The following EYS variants were observed in gnomAD, a reference collection of about 807,000 sequenced individuals.
EYS encodes the protein EGF-like photoreceptor maintenance factor, also known as protein eyes shut homolog.
In EYS, 250 loss-of-function variants were observed where a neutral mutation model predicts 282.1. The ratio of observed to expected loss-of-function variants is 0.89; its 90% CI spans 0.80 to 0.98. The LOEUF is 0.98. EYS is among the 50% of genes least tolerant of loss of function. EYS has a pLI of 0.00. For missense variants in EYS, 4,016 were observed against 3,709.0 expected, an observed-to-expected ratio of 1.08 and a Z score of -2.15; for synonymous variants, 1,355 against 1,282.9, an observed-to-expected ratio of 1.06 and a Z score of -1.20.
At chr6:64,072,158 A>G (rs1582228843) in intron 32 of EYS, among the ~76,000 whole-genome samples, 1 of 152,012 alleles carries the variant, frequency 6.6e-6, no homozygotes, top group East Asian at 1.9e-4. Flanking sequence ...AGATAAAACA[A>G]CAGCATTAAA....
intron 26 of EYS, among the ~76,000 whole-genome samples, chr6:64,515,945 T>G (rs1478788113): frequency 1.3e-5 from 2 of 151,804 alleles, no homozygotes; most frequent in Non-Finnish European, 2.9e-5. Flanking sequence ...TATAATTTTA[T>G]TGTATATTAA....
intron 31 of EYS, among the ~76,000 whole-genome samples, chr6:64,107,889 T>TA (rs1773085600): frequency 6.6e-6 from 1 of 152,054 alleles, no homozygotes; most frequent in African/African-American, 2.4e-5. Flanking sequence ...AACTTACCAG[T>TA]ACTTCTTAAT....
chr6:64,077,028 A>C (rs1489436779), intron 32 of EYS, among the ~76,000 whole-genome samples: 2 of 151,932 alleles, frequency 1.3e-5, no homozygotes, highest in African/African-American at 4.8e-5. Flanking sequence ...GAATTTGTTG[A>C]ATTTGTCTTT....
At position 63,806,326 on chromosome 6, in the gene EYS, T is replaced by G; in HGVS notation, c.7275A>C (p.Gly2425=). Residue 2425 remains glycine (G), a synonymous_variant, in exon 37 of 43, where the codon GGA becomes GGC. Transcript: ENST00000503581. ...GTGAATAAGCCAGGAATGAGGTGTA[T>G]CCAAAGGCATCTGTGCCACTGAACC... is the stretch of plus-strand genomic sequence containing the variant. The part of the protein sequence containing the change: ...QPRFSGTDAF[G]YTSFLAYSRI... 4.5e-6 allele frequency: 7 copies of G among 1,551,136 alleles called. No individual in the cohort carries two copies. Among genetic ancestry groups the G allele is most frequent in the Non-Finnish European group, 6.1e-6 (7 of 1,146,546 alleles).
At position 63,805,643 on chromosome 6, in the gene EYS, T is replaced by C. The variant is rs562133192; in HGVS notation, c.7411+547A>G. 9.0e-4 allele frequency among the ~76,000 whole-genome samples: 137 copies of C among 152,338 alleles called. No individual in the cohort carries two copies. In the South Asian group the frequency reaches 0.018, roughly 21 times the overall value. ...TTGTGTTCCCACGCAAACCTCATCT[T>C]GAATTGTAATCCCCATAATCCCCAG... On this transcript the variant is annotated intron_variant, in intron 37 of 42. Transcript: ENST00000503581.
chr6:64,009,160 C>T (rs567072928), intron 33 of EYS, among the ~76,000 whole-genome samples: 118 of 152,104 alleles, frequency 7.8e-4, no homozygotes, highest in African/African-American at 2.6e-3. Context: ...TTCATTTATT[C>T]ATTTTTTATT....
chr6:64,019,636 C>T (rs1258082481), intron 33 of EYS, among the ~76,000 whole-genome samples: 3 of 151,650 alleles, frequency 2.0e-5, no homozygotes, highest in Non-Finnish European at 4.4e-5. Context: ...GTCTCGAACT[C>T]CTGACCTTGT....
At chr6:63,947,248 A>G (rs980970166) in intron 35 of EYS, among the ~76,000 whole-genome samples, 2 of 152,018 alleles carry the variant, frequency 1.3e-5, no homozygotes, top group African/African-American at 4.8e-5. Context: ...AGTTTGTGTG[A>G]CCTTGGCAAA....
chr6:65,224,036 C>T (rs1177477971), intron 12 of EYS, among the ~76,000 whole-genome samples: 1 of 152,154 alleles, frequency 6.6e-6, no homozygotes, highest in Non-Finnish European at 1.5e-5. Context: ...AGTTGCTTGA[C>T]AAGATGACTT....
chr6:65,443,678 A>G (rs1252112404), intron 5 of EYS, among the ~76,000 whole-genome samples: 1 of 151,060 alleles, frequency 6.6e-6, no homozygotes, highest in Non-Finnish European at 1.5e-5. Context: ...TACATCATAT[A>G]CACACATACA....
intron 42 of EYS, 144 bp from the exon 43 acceptor site, chr6:63,721,941 C>T: frequency 1.4e-6 from 1 of 738,064 alleles, no homozygotes; most frequent in East Asian, 2.7e-5. Flanking sequence ...AGTTTTGTTT[C>T]CACTCACAGA....
intron 22 of EYS, among the ~76,000 whole-genome samples, chr6:64,647,487 T>C (rs1768396356): frequency 6.6e-6 from 1 of 152,200 alleles, no homozygotes; most frequent in Non-Finnish European, 1.5e-5. Flanking sequence ...AACAACTTTA[T>C]AAACTATTAA....
chr6:64,462,245 T>C (rs1775772988), intron 26 of EYS, among the ~76,000 whole-genome samples: 1 of 152,192 alleles, frequency 6.6e-6, no homozygotes, highest in African/African-American at 2.4e-5. Context: ...ATTGACTAAA[T>C]TAATTTAACT....
At chr6:64,130,382 A>G (rs1202060363) in intron 31 of EYS, among the ~76,000 whole-genome samples, 1 of 152,190 alleles carries the variant, frequency 6.6e-6, no homozygotes, top group Non-Finnish European at 1.5e-5. Flanking sequence ...TCACAAGGAC[A>G]AAAAACCAAA....
intron 36 of EYS, among the ~76,000 whole-genome samples, chr6:63,836,465 T>TA (rs201536392): frequency 3.3e-4 from 50 of 151,914 alleles, no homozygotes; most frequent in African/African-American, 6.3e-4. Context: ...ATGGAATTGT[T>TA]AAAAAAAATT....
At chr6:65,073,933 T>C (rs2150167464) in intron 12 of EYS, among the ~76,000 whole-genome samples, 1 of 152,110 alleles carries the variant, frequency 6.6e-6, no homozygotes, top group East Asian at 1.9e-4. Context: ...AGTGATTCTC[T>C]GAAAATGAGG....
At chr6:65,345,720 C>T (rs982864156) in intron 9 of EYS, among the ~76,000 whole-genome samples, 7 of 151,468 alleles carry the variant, frequency 4.6e-5, no homozygotes, top group Non-Finnish European at 1.0e-4. Context: ...TTAACGTCTT[C>T]CCTCTGCCTC....
At chr6:65,514,533 C>T (rs1365683803) in intron 2 of EYS, among the ~76,000 whole-genome samples, 3 of 152,192 alleles carry the variant, frequency 2.0e-5, no homozygotes, top group African/African-American at 7.2e-5. Context: ...TACCTGACTT[C>T]AAACTATACT....
At chr6:65,475,169 A>G (rs532734446) in intron 5 of EYS, among the ~76,000 whole-genome samples, 94 of 152,098 alleles carry the variant, frequency 6.2e-4, no homozygotes, top group Non-Finnish European at 1.2e-3. Flanking sequence ...ATAGCACTTA[A>G]TGGTTATTGT....
Sources: gnomAD v4.1 joint callset for allele counts (sites outside exome capture counted in the v4.1 genomes callset) on GRCh38, gnomAD v4.1.1 for gene constraint, MANE v1.5 for transcripts, NCBI Gene and HGNC (gene_info 2026-07-23, HGNC 2026-07-21) for gene names.